The following TUSC3 variants were observed in gnomAD, a reference collection of about 807,000 sequenced individuals.
TUSC3 encodes dolichyl-diphosphooligosaccharide--protein glycosyltransferase subunit TUSC3.
Under a neutral mutation model 44.8 loss-of-function variants are expected in TUSC3, and 45 were observed. That is an observed-to-expected ratio of 1.00 (90% CI 0.79 to 1.29). TUSC3 has a LOEUF of 1.29. TUSC3 is among the 50% of genes most tolerant of loss of function. TUSC3 has a pLI of 0.00. For missense variants in TUSC3, 519 were observed against 437.9 expected, an observed-to-expected ratio of 1.19 and a Z score of -1.65; for synonymous variants, 212 against 152.9, an observed-to-expected ratio of 1.39 and a Z score of -2.85.
At chr8:15,730,386 T>G (rs2129208031) in intron 6 of TUSC3, among the ~76,000 whole-genome samples, 1 of 152,272 alleles carries the variant, frequency 6.6e-6, no homozygotes, top group African/African-American at 2.4e-5. Context: ...GAATCATATT[T>G]TATGTGTGTA....
chr8:15,479,626 C>G (rs1379120539), intron 1 of TUSC3, among the ~76,000 whole-genome samples: 1 of 152,098 alleles, frequency 6.6e-6, no homozygotes, highest in Non-Finnish European at 1.5e-5. Flanking sequence ...GATGTCTATT[C>G]TGTTCCATTG....
chr8:15,437,097 A>C (rs75252997), intron 1 of TUSC3, among the ~76,000 whole-genome samples: 1 of 152,180 alleles, frequency 6.6e-6, no homozygotes, highest in Non-Finnish European at 1.5e-5. Context: ...TCAAATTAAG[A>C]TATCTCTAAA....
At chr8:15,831,081 C>G in the TUSC3 span, among the ~76,000 whole-genome samples, 10 of 152,242 alleles carry the variant, frequency 6.6e-5, no homozygotes, top group East Asian at 1.7e-3. Context: ...TACCTCAGCC[C>G]CAACCCAGCA....
intron 6 of TUSC3, among the ~76,000 whole-genome samples, chr8:15,699,702 G>A (rs777301180): frequency 6.6e-6 from 1 of 152,146 alleles, no homozygotes; most frequent in Non-Finnish European, 1.5e-5. Flanking sequence ...AAAGCCATTG[G>A]AATACTTTGT....
intron 3 of TUSC3, among the ~76,000 whole-genome samples, chr8:15,654,774 G>A (rs893734991): frequency 1.3e-5 from 2 of 151,986 alleles, no homozygotes; most frequent in African/African-American, 2.4e-5. Flanking sequence ...TCCAGCCTGG[G>A]TGACACAGCA....
intron 8 of TUSC3, 81 bp downstream of exon 8, chr8:15,743,693 C>T (rs921274608): frequency 5.6e-6 from 8 of 1,430,790 alleles, no homozygotes; most frequent in Non-Finnish European, 7.9e-6. Flanking sequence ...ACATAAAAGC[C>T]CTTTGTAAAC....
chr8:15,451,631 T>A (rs1800198405), intron 1 of TUSC3, among the ~76,000 whole-genome samples: 1 of 152,168 alleles, frequency 6.6e-6, no homozygotes, highest in Non-Finnish European at 1.5e-5. Context: ...TCCTTAGTTG[T>A]ATCCTCTTAG....
At chr8:15,506,928 G>A (rs911114470) in intron 2 of TUSC3, among the ~76,000 whole-genome samples, 4 of 152,188 alleles carry the variant, frequency 2.6e-5, no homozygotes, top group Non-Finnish European at 5.9e-5. Flanking sequence ...GTCTTGGTCG[G>A]CTAGGCTTAG....
intron 10 of TUSC3, among the ~76,000 whole-genome samples, chr8:15,760,092 A>G (rs1013140177): frequency 1.3e-5 from 2 of 152,152 alleles, no homozygotes; most frequent in Admixed American, 1.3e-4. Context: ...ATTGTAGGGT[A>G]GTGTCAGAAT....
intron 5 of TUSC3, among the ~76,000 whole-genome samples, chr8:15,673,409 A>G (rs1808039145): frequency 6.6e-6 from 1 of 152,108 alleles, no homozygotes. Context: ...TCACTAGAAC[A>G]TCAAGTGTCT....
chr8:15,490,307 G>C (rs1800789952), intron 2 of TUSC3, among the ~76,000 whole-genome samples: 1 of 152,134 alleles, frequency 6.6e-6, no homozygotes, highest in Non-Finnish European at 1.5e-5. Flanking sequence ...TGGAATTCTG[G>C]CAGGATTGTC....
At chr8:15,502,051 AC>A (rs1800973699) in intron 2 of TUSC3, among the ~76,000 whole-genome samples, 1 of 152,154 alleles carries the variant, frequency 6.6e-6, no homozygotes, top group African/African-American at 2.4e-5. Flanking sequence ...CCTTTATACA[AC>A]CATCACTTAT....
chr8:15,520,226 C>G (rs952404679), intron 2 of TUSC3, among the ~76,000 whole-genome samples: 1 of 152,186 alleles, frequency 6.6e-6, no homozygotes, highest in African/African-American at 2.4e-5. Context: ...GAGACATGGT[C>G]TCTGTCAATA....
intron 9 of TUSC3, among the ~76,000 whole-genome samples, chr8:15,750,514 ACTT>A (rs1258225055): frequency 6.6e-6 from 1 of 151,808 alleles, no homozygotes; most frequent in Admixed American, 6.6e-5. Flanking sequence ...TTAAGTTTGT[ACTT>A]CTTTTAGTTT....
At chr8:15,543,684 A>C (rs1801765816) in intron 1 of TUSC3, among the ~76,000 whole-genome samples, 1 of 151,980 alleles carries the variant, frequency 6.6e-6, no homozygotes, top group African/African-American at 2.4e-5. Flanking sequence ...TTCCTCATTT[A>C]AATGAAAGCA....
chr8:15,727,429 A>G (rs1459836932), intron 6 of TUSC3, among the ~76,000 whole-genome samples: 1 of 152,126 alleles, frequency 6.6e-6, no homozygotes, highest in African/African-American at 2.4e-5. Flanking sequence ...GCTTGAGAAT[A>G]TAGGTATTTT....
At chr8:15,851,599 T>G in the TUSC3 span, among the ~76,000 whole-genome samples, 1 of 152,208 alleles carries the variant, frequency 6.6e-6, no homozygotes, top group African/African-American at 2.4e-5. Context: ...GGCGAGGGAC[T>G]GAACCTTGAT....
chr8:15,798,166 A>G, the TUSC3 span, among the ~76,000 whole-genome samples: 1 of 152,236 alleles, frequency 6.6e-6, no homozygotes, highest in Admixed American at 6.5e-5. Context: ...GTACAATCAT[A>G]TAACACATCA....
In TUSC3 at chr8:15,584,057, TCAA is replaced by T. The variant is rs1168896207; in HGVS notation, c.139-39022_139-39020del. Among the ~76,000 whole-genome samples the T allele has an allele frequency of 3.4e-3, 516 of 152,336 alleles. 4 individuals are homozygous for T. The highest frequency in any genetic ancestry group is 0.012 in the African/African-American group (495 of 41,584). On this transcript the variant is annotated intron_variant, in intron 1 of 10. Transcript: ENST00000503731. Reference sequence around the variant, plus strand: ...AAACAGGTACTTAAAGGCAGTGTAATCAAACACAGCAGCTTAACTGTTTTAATA... The same window carrying T: ...AAACAGGTACTTAAAGGCAGTGTAATACACAGCAGCTTAACTGTTTTAATA...
Sources: gnomAD v4.1 joint callset for allele counts (sites outside exome capture counted in the v4.1 genomes callset) on GRCh38, gnomAD v4.1.1 for gene constraint, MANE v1.5 for transcripts, NCBI Gene and HGNC (gene_info 2026-07-23, HGNC 2026-07-21) for gene names.